The following TNS1 variants were observed in gnomAD, a reference collection of about 807,000 sequenced individuals.
The protein encoded by TNS1 is tensin 1.
A neutral mutation model predicts 168.6 loss-of-function variants in TNS1; 62 were observed. The ratio of observed to expected loss-of-function variants is 0.37; its 90% CI spans 0.30 to 0.45. The LOEUF is 0.45. Among genes scored for constraint, TNS1 ranks in the 20% least tolerant of loss-of-function variants. The pLI, the probability that TNS1 is intolerant of heterozygous loss-of-function variation, is 1.00. For missense variants in TNS1, 2,240 were observed against 2,339.4 expected (o/e 0.96, Z 0.88); for synonymous variants, 934 against 933.2 (o/e 1.00, Z -0.02).
At chr2:218,008,402 G>A (rs1038729328) in intron 1 of TNS1, among the ~76,000 whole-genome samples, 4 of 152,310 alleles carry the variant, frequency 2.6e-5, no homozygotes, top group African/African-American at 7.2e-5. Context: ...AAATGGGGAG[G>A]GGGTGTTGCT....
chr2:217,813,971 T>C lies in TNS1; in HGVS notation c.4730-155A>G. The C allele has an allele frequency of 8.9e-6, 8 of 895,034 alleles. No individual in the cohort carries two copies. Among genetic ancestry groups the C allele is most frequent in the Non-Finnish European group, 1.2e-5 (8 of 647,772 alleles). 55.4% of individuals were successfully genotyped at this position (895,034 alleles called of 1,614,324 possible). A position where few individuals can be genotyped will look rare whatever the true frequency, so the allele number is the denominator to read the frequency against. On this transcript the variant is annotated intron_variant, in intron 25 of 32. Coordinates refer to ENST00000682258, the MANE Select transcript of TNS1 (RefSeq NM_001387777.1). This position sits in a 1 kb window ranked among gnomAD's most constrained non-coding sequence, Gnocchi z 4.0. ...TTAACTACTCCTACGGGTCTTCCTG[T>C]ACTCAGGTTGGCAAACTTATTCTGT...
upstream of TNS1, among the ~76,000 whole-genome samples, chr2:218,007,575 G>C (rs1342343048): frequency 5.3e-5 from 7 of 131,030 alleles, 1 homozygote; most frequent in African/African-American, 8.3e-5. Flanking sequence ...GTGGGGGGGG[G>C]GGTTCAGCCA....
chr2:217,855,785 C>T (rs894821797), intron 18 of TNS1, among the ~76,000 whole-genome samples: 1 of 152,186 alleles, frequency 6.6e-6, no homozygotes, highest in Non-Finnish European at 1.5e-5. Context: ...ACTCTTCTTT[C>T]ACCACCACCC....
chr2:217,988,657 C>G (rs1490620317), intron 2 of TNS1, among the ~76,000 whole-genome samples: 1 of 152,196 alleles, frequency 6.6e-6, no homozygotes, highest in African/African-American at 2.4e-5. Context: ...GGCTCCAACC[C>G]TAAACTGCCC....
At chr2:217,950,736 C>T (rs895450609) in intron 3 of TNS1, among the ~76,000 whole-genome samples, 11 of 151,334 alleles carry the variant, frequency 7.3e-5, no homozygotes, top group African/African-American at 2.4e-4. Flanking sequence ...CTCTCTTCTT[C>T]TCTTCCTTCT....
chr2:217,849,574 C>A (rs1169714424), intron 18 of TNS1: 75 of 888,216 alleles, frequency 8.4e-5, no homozygotes, highest in Non-Finnish European at 9.8e-5. Context: ...AGTTCAACAG[C>A]TGGGAGCCCT....
chr2:217,998,219 G>GTCTCTCTCTCTCTCTCTC (rs1173660793), intron 1 of TNS1, among the ~76,000 whole-genome samples: 15 of 97,068 alleles, frequency 1.5e-4, no homozygotes, highest in African/African-American at 6.0e-4. Context: ...CTCTCCATCA[G>GTCTCTCTCTCTCTCTCTC]TGTCTCTCTC....
At chr2:217,866,950 C>T (rs140059186) in intron 18 of TNS1, among the ~76,000 whole-genome samples, 1 of 152,346 alleles carries the variant, frequency 6.6e-6, no homozygotes, top group Non-Finnish European at 1.5e-5. Flanking sequence ...AGGACTCCTA[C>T]CCTTGTCAGA....
intron 10 of TNS1, 53 bp downstream of exon 10, chr2:217,893,386 G>T: frequency 2.6e-6 from 4 of 1,520,082 alleles, no homozygotes; most frequent in Middle Eastern, 2.2e-4. Context: ...ACACATGTGC[G>T]CATGTGCGCG....
In TNS1 at chr2:217,897,919, A is replaced by G. The variant is rs746669289; in HGVS notation, c.422T>C (p.Val141Ala). 8 of 1,613,074 alleles carry G rather than the reference A, an allele frequency of 5.0e-6. No individual in the cohort carries two copies. The highest frequency in any genetic ancestry group is 6.8e-6 in the Non-Finnish European group (8 of 1,179,480). The change falls in exon 8 of 33, where the codon GTG becomes GCG. Residue 141 changes from valine (V) to alanine (A), a missense_variant. By Grantham distance (64) the Val-to-Ala change is moderately conservative. This residue lies in a region of TNS1 where 2,131 missense variants were observed against 2,171.2 expected (regional missense o/e 0.98). Coordinates refer to ENST00000682258, the MANE Select transcript of TNS1 (RefSeq NM_001387777.1). The part of the protein sequence containing the change: ...TMEDSCELDL[V>A]YVTERIIAVS... ...AGCGATGATCCTCTCTGTGACGTAC[A>G]CCAGGTCCAGCTCACAGCTGTCCTC...
chr2:217,986,128 T>G lies in TNS1; in HGVS notation c.148+4814A>C, dbSNP rs535387063. Among the ~76,000 whole-genome samples, 2 of 152,194 alleles carry G rather than the reference T, an allele frequency of 1.3e-5. No homozygotes were observed. The highest frequency in any genetic ancestry group is 6.5e-5 in the Admixed American group (1 of 15,284). ...CCTGGGGTCACACAGCCAGGTTGTATTAATAGCAAGCTAGGGCTAGAAACC... is the reference window on the plus strand; with the variant it reads ...CCTGGGGTCACACAGCCAGGTTGTAGTAATAGCAAGCTAGGGCTAGAAACC... On this transcript the variant is annotated intron_variant, in intron 2 of 32. Coordinates refer to ENST00000682258, the MANE Select transcript of TNS1 (RefSeq NM_001387777.1). The surrounding 1 kb of genome is among the most constrained non-coding windows in gnomAD (Gnocchi z 4.7).
At chr2:217,932,095 C>T (rs1194178781) in intron 3 of TNS1, among the ~76,000 whole-genome samples, 1 of 152,178 alleles carries the variant, frequency 6.6e-6, no homozygotes, top group Non-Finnish European at 1.5e-5. Flanking sequence ...TTTTTCTCAT[C>T]GCCTGACTCC....
At chr2:217,938,136 T>C (rs1333474072) in intron 3 of TNS1, among the ~76,000 whole-genome samples, 1 of 152,182 alleles carries the variant, frequency 6.6e-6, no homozygotes, top group African/African-American at 2.4e-5. Context: ...GTCATCATCA[T>C]CAACCCAAGC....
chr2:217,832,883 T>C (rs1241376610), intron 21 of TNS1, among the ~76,000 whole-genome samples: 1 of 152,108 alleles, frequency 6.6e-6, no homozygotes, highest in Non-Finnish European at 1.5e-5. Flanking sequence ...GGGATAGCTC[T>C]AGGCCTCATG....
At chr2:217,894,866 A>AT (rs1952113988) in intron 9 of TNS1, 140 bp downstream of exon 9, 3 of 829,682 alleles carry the variant, frequency 3.6e-6, no homozygotes, top group Non-Finnish European at 5.9e-6. Context: ...TAAGTAGATC[A>AT]TTTTCCATTT....
intron 18 of TNS1, among the ~76,000 whole-genome samples, chr2:217,852,158 A>C: frequency 6.6e-6 from 1 of 152,154 alleles, no homozygotes; most frequent in East Asian, 1.9e-4. Context: ...AAAAAAGAAG[A>C]GACCCCAGCC....
intron 3 of TNS1, among the ~76,000 whole-genome samples, chr2:217,968,133 A>G (rs962911951): frequency 2.6e-5 from 4 of 152,262 alleles, no homozygotes; most frequent in African/African-American, 9.6e-5. Flanking sequence ...TAGGAATAGA[A>G]GGAAACTTCC....
chr2:217,947,140 C>T (rs562691719), intron 3 of TNS1, among the ~76,000 whole-genome samples: 252 of 152,178 alleles, frequency 1.7e-3, no homozygotes, highest in African/African-American at 5.9e-3. Context: ...CCAACCCATG[C>T]TCCTCTCCTT....
rs545755334 is a variant in TNS1, at chr2:217,975,901, G to GC, written c.186+2863dup. On this transcript the variant is annotated intron_variant, in intron 3 of 32. Coordinates refer to ENST00000682258, the MANE Select transcript of TNS1 (RefSeq NM_001387777.1). ...CCCATGTCCCTACTCCCACCCTGGT[G>GC]CCTGCTCAAGGCCAGAGTGGCCTTC... Among the ~76,000 whole-genome samples, 429 of 152,244 alleles carry GC rather than the reference G, an allele frequency of 2.8e-3. 4 individuals are homozygous for GC. The highest frequency in any genetic ancestry group is 8.9e-3 in the African/African-American group (370 of 41,538).
Sources: allele counts gnomAD v4.1 joint callset (sites outside exome capture counted in the v4.1 genomes callset), GRCh38; gene constraint gnomAD v4.1.1; regional missense constraint gnomAD v4.1.1; non-coding constraint Gnocchi (gnomAD v3.1); transcripts MANE v1.5; gene names NCBI Gene and HGNC (gene_info 2026-07-23, HGNC 2026-07-21).